SCN2A: variants seen among roughly 807,000 people sequenced by gnomAD.
The protein encoded by SCN2A is sodium voltage-gated channel alpha subunit 2.
In SCN2A, 20 loss-of-function variants were observed where a neutral mutation model predicts 188.7. The observed-to-expected ratio is 0.11, with a 90% confidence interval of 0.07 to 0.15. The LOEUF is 0.15. SCN2A is among the 10% of genes least tolerant of loss of function. The pLI is 1.00. For synonymous variants in SCN2A, 804 were observed against 833.1 expected, an observed-to-expected ratio of 0.97 and a Z score of 0.60; for missense variants, 1,278 against 2,445.0, an observed-to-expected ratio of 0.52 and a Z score of 10.07.
intron 1 of SCN2A, among the ~76,000 whole-genome samples, chr2:165,289,678 T>A (rs1696012984): frequency 6.6e-6 from 1 of 152,074 alleles, no homozygotes; most frequent in Non-Finnish European, 1.5e-5. Flanking sequence ...TCCTGGGAAA[T>A]GAGAAACAGA....
At chr2:165,331,611 T>C (rs1288622826) in intron 14 of SCN2A, 43 bp downstream of exon 14, 13 of 1,456,710 alleles carry the variant, frequency 8.9e-6, no homozygotes, top group African/African-American at 1.4e-5. Flanking sequence ...AAAGAGTTTA[T>C]AATTGCCTTA....
Position 165,315,467 on chromosome 2 carries a change from C to G in SCN2A, c.1384-4C>G, listed in dbSNP as rs113191507. The G allele has an allele frequency of 4.4e-5, 71 of 1,613,752 alleles. No homozygotes were observed. In the African/African-American group the frequency reaches 5.3e-4, roughly 12 times the overall value. On this transcript the variant is annotated splice_region_variant and splice_polypyrimidine_tract_variant and intron_variant, in intron 10 of 26. Transcript: ENST00000375437. ...CAACTTCCACATACTTTGCGCCCTT[C>G]TAGGCGGCAGCTGCAGCCGCATCTG...
intron 11 of SCN2A, among the ~76,000 whole-genome samples, chr2:165,322,887 T>C (rs1428263468): frequency 2.6e-5 from 4 of 152,100 alleles, no homozygotes; most frequent in African/African-American, 9.7e-5. Flanking sequence ...TCTGACTATG[T>C]TGAGGTGTGG....
intron 3 of SCN2A, among the ~76,000 whole-genome samples, chr2:165,301,235 G>A (rs926466846): frequency 4.6e-5 from 7 of 152,108 alleles, no homozygotes; most frequent in Non-Finnish European, 1.0e-4. Context: ...GACATCATTG[G>A]AGGAGTTGAG....
chr2:165,385,630 A>G (rs1435459733), intron 25 of SCN2A, among the ~76,000 whole-genome samples: 1 of 152,208 alleles, frequency 6.6e-6, no homozygotes, highest in African/African-American at 2.4e-5. Flanking sequence ...CTAAGAAATT[A>G]ATCTTGATAT....
chr2:165,281,913 A>G (rs941042123), intron 1 of SCN2A, among the ~76,000 whole-genome samples: 5 of 152,134 alleles, frequency 3.3e-5, no homozygotes, highest in Admixed American at 1.3e-4. Flanking sequence ...ACTGTGGAGC[A>G]TGTTCTGGGT....
At chr2:165,346,142 T>C (rs1228533408) in intron 16 of SCN2A, among the ~76,000 whole-genome samples, 1 of 152,168 alleles carries the variant, frequency 6.6e-6, no homozygotes, top group Non-Finnish European at 1.5e-5. Context: ...GCCATTAACA[T>C]TTTTTCCTTC....
intron 16 of SCN2A, among the ~76,000 whole-genome samples, chr2:165,348,759 A>G (rs1217092119): frequency 6.6e-6 from 1 of 152,178 alleles, no homozygotes; most frequent in Non-Finnish European, 1.5e-5. Context: ...AGAAGGCTCA[A>G]TCTCATGATT....
At chr2:165,380,087 G>A (rs115630801) in intron 23 of SCN2A, among the ~76,000 whole-genome samples, 1,770 of 151,768 alleles carry the variant, frequency 0.012, 40 homozygotes, top group Admixed American at 0.051. Flanking sequence ...CTTACACTTA[G>A]CAATTACTAC....
At chr2:165,348,703 G>A (rs1396920397) in intron 16 of SCN2A, among the ~76,000 whole-genome samples, 1 of 152,190 alleles carries the variant, frequency 6.6e-6, no homozygotes, top group Non-Finnish European at 1.5e-5. Flanking sequence ...CGAGATGTTA[G>A]CTGAGGTTAC....
chr2:165,239,657 C>A lies in SCN2A; in HGVS notation c.-52+17C>A. 3.1e-6 allele frequency: 3 copies of A among 971,518 alleles called. No homozygotes were observed. Among genetic ancestry groups the A allele is most frequent in the Non-Finnish European group, 3.7e-6 (3 of 817,304 alleles). The allele number at this position is 971,518 out of a possible 1,614,324, so 60.2% of individuals were successfully genotyped here. A position where few individuals can be genotyped will look rare whatever the true frequency, so the allele number is the denominator to read the frequency against. On this transcript the variant is annotated intron_variant, in intron 1 of 26. Coordinates refer to ENST00000375437, the MANE Select transcript of SCN2A (RefSeq NM_001040142.2). The stretch of plus-strand genomic sequence containing the variant: ...TTATTTCAGGTAAGCCAGCATGATT[C>A]TATTTTTGACTTATCCACGGATTGT...
chr2:165,376,368 G>T (rs79353078), intron 22 of SCN2A, among the ~76,000 whole-genome samples: 18 of 151,702 alleles, frequency 1.2e-4, no homozygotes, highest in African/African-American at 2.4e-5. Flanking sequence ...AAATAAAAAT[G>T]CATATACATT....
intron 3 of SCN2A, among the ~76,000 whole-genome samples, chr2:165,297,974 A>G (rs1696598117): frequency 1.3e-5 from 2 of 152,198 alleles, no homozygotes; most frequent in African/African-American, 4.8e-5. Flanking sequence ...GCCAGAAACA[A>G]GTCTTGTTGA....
chr2:165,382,497 A>G (rs1701654774), intron 25 of SCN2A, among the ~76,000 whole-genome samples: 2 of 152,092 alleles, frequency 1.3e-5, no homozygotes, highest in African/African-American at 2.4e-5. Flanking sequence ...AGCCAATAAG[A>G]AGACTCAATT....
chr2:165,371,762 G>A (rs1389351125), intron 20 of SCN2A: 1 of 152,182 alleles, frequency 6.6e-6, no homozygotes, highest in Non-Finnish European at 1.5e-5. Context: ...AGCTATTGAA[G>A]AATTACATAT....
At chr2:165,350,475 T>G (rs1254211534) in intron 16 of SCN2A, among the ~76,000 whole-genome samples, 1 of 107,162 alleles carries the variant, frequency 9.3e-6, no homozygotes, top group African/African-American at 3.5e-5. Flanking sequence ...TTTTTTTTTT[T>G]TTTTTTTTTT....
chr2:165,342,232 T>C (rs866387608), intron 14 of SCN2A, 64 bp from the exon 15 acceptor site: 2 of 1,463,200 alleles, frequency 1.4e-6, no homozygotes, highest in Middle Eastern at 2.3e-4. Context: ...TAAATTAAGT[T>C]GCTCAATAAT....
chr2:165,289,293 A>AT (rs1574507497), intron 1 of SCN2A, among the ~76,000 whole-genome samples: 2 of 152,118 alleles, frequency 1.3e-5, no homozygotes, highest in South Asian at 2.1e-4. Flanking sequence ...TAATAACATG[A>AT]TTTTTTAAAA....
At chr2:165,284,405 G>A (rs994636436) in intron 1 of SCN2A, among the ~76,000 whole-genome samples, 1 of 152,026 alleles carries the variant, frequency 6.6e-6, no homozygotes, top group Non-Finnish European at 1.5e-5. Context: ...TCCTGACCTC[G>A]TGATCTGCCC....
Sources: gnomAD v4.1 joint callset for allele counts (sites outside exome capture counted in the v4.1 genomes callset) on GRCh38, gnomAD v4.1.1 for gene constraint, MANE v1.5 for transcripts, NCBI Gene and HGNC (gene_info 2026-07-23, HGNC 2026-07-21) for gene names.